Variants in CSMD2 observed in about 807,000 individuals in gnomAD.
CSMD2 encodes CUB and Sushi multiple domains 2.
CSMD2 carries 130 observed loss-of-function variants against 398.5 expected under a neutral mutation model. That is an observed-to-expected ratio of 0.33 (90% CI 0.28 to 0.38). CSMD2 has a LOEUF of 0.38. Ranked by LOEUF, CSMD2 falls within the 10% of genes least tolerant of loss-of-function variation. CSMD2 has a pLI of 1.00. For missense variants in CSMD2, 3,829 were observed against 4,764.9 expected, an observed-to-expected ratio of 0.80 and a Z score of 5.78; for synonymous variants, 1,828 against 1,908.5, an observed-to-expected ratio of 0.96 and a Z score of 1.10.
At chr1:33,898,587 T>A (rs889810920) in intron 5 of CSMD2, among the ~76,000 whole-genome samples, 2 of 152,146 alleles carry the variant, frequency 1.3e-5, no homozygotes, top group Non-Finnish European at 2.9e-5. Flanking sequence ...GAATAATGAA[T>A]CTTTTCCAGC....
At chr1:33,536,920 T>C in intron 62 of CSMD2, 102 bp downstream of exon 62, 1 of 1,136,634 alleles carries the variant, frequency 8.8e-7, no homozygotes, top group Non-Finnish European at 1.3e-6. Flanking sequence ...GCTCTTGTCC[T>C]CCCTGAGTGC....
chr1:33,657,570 C>T (rs1411543955), intron 27 of CSMD2, among the ~76,000 whole-genome samples: 1 of 152,190 alleles, frequency 6.6e-6, no homozygotes, highest in Non-Finnish European at 1.5e-5. Context: ...TGTGGGTGCC[C>T]TTCTATTGCT....
chr1:33,827,705 T>C (rs539252971), intron 6 of CSMD2, among the ~76,000 whole-genome samples: 1 of 152,298 alleles, frequency 6.6e-6, no homozygotes, highest in African/African-American at 2.4e-5. Flanking sequence ...ATTTGGTCCT[T>C]ATACTTTCAA....
intron 2 of CSMD2, among the ~76,000 whole-genome samples, chr1:34,083,755 GA>G (rs570485447): frequency 1.2e-3 from 187 of 152,188 alleles, no homozygotes; most frequent in African/African-American, 4.3e-3. Context: ...TGTCTCTACA[GA>G]AAGAGTGCAA....
At chr1:33,757,420 C>T (rs1420276918) in intron 13 of CSMD2, among the ~76,000 whole-genome samples, 1 of 152,116 alleles carries the variant, frequency 6.6e-6, no homozygotes, top group Admixed American at 6.5e-5. Flanking sequence ...GGCTAAGGTT[C>T]CCCAAACTTG....
chr1:33,626,430 G>T (rs960064710), intron 33 of CSMD2, 56 bp downstream of exon 33: 3 of 1,276,560 alleles, frequency 2.4e-6, no homozygotes, highest in Non-Finnish European at 3.3e-6. Flanking sequence ...CTTCGATCAC[G>T]AGTCCCTTAA....
chr1:33,851,773 T>G (rs1040274264), intron 5 of CSMD2, among the ~76,000 whole-genome samples: 2 of 152,172 alleles, frequency 1.3e-5, no homozygotes, highest in Admixed American at 6.5e-5. Context: ...TAGGACTTGC[T>G]ATGTCAAGAT....
intron 28 of CSMD2, among the ~76,000 whole-genome samples, chr1:33,648,653 T>C (rs72890887): frequency 0.017 from 2,518 of 152,296 alleles, 55 homozygotes; most frequent in African/African-American, 0.056. Flanking sequence ...CTTAGGAGTT[T>C]GTTTTGAGAA....
chr1:33,706,444 C>A (rs1645781763), intron 22 of CSMD2, among the ~76,000 whole-genome samples: 1 of 152,174 alleles, frequency 6.6e-6, no homozygotes, highest in Non-Finnish European at 1.5e-5. Flanking sequence ...TCAGATTGCT[C>A]TGTTTTCATT....
At chr1:33,907,284 A>T (rs74590906) in intron 5 of CSMD2, among the ~76,000 whole-genome samples, 6 of 149,054 alleles carry the variant, frequency 4.0e-5, no homozygotes, top group Non-Finnish European at 8.9e-5. Context: ...ACGCCCAGCT[A>T]ATTTTTTTTT....
intron 4 of CSMD2, among the ~76,000 whole-genome samples, chr1:33,932,917 G>C (rs1229278553): frequency 6.6e-6 from 1 of 152,202 alleles, no homozygotes; most frequent in Admixed American, 6.5e-5. Flanking sequence ...TCAAGGTGCA[G>C]GCAGCACCAA....
At chr1:33,935,676 C>A in intron 4 of CSMD2, 84 bp downstream of exon 4, 1 of 1,407,582 alleles carries the variant, frequency 7.1e-7, no homozygotes, top group South Asian at 1.4e-5. Context: ...TAGCTTTGCC[C>A]TTTGAGACTG....
At chr1:33,588,922 C>A (rs1209819250) in intron 44 of CSMD2, among the ~76,000 whole-genome samples, 1 of 152,182 alleles carries the variant, frequency 6.6e-6, no homozygotes, top group Non-Finnish European at 1.5e-5. Flanking sequence ...GGAATTGGAG[C>A]CCCTTTCCAA....
At chr1:34,159,495 C>T (rs974839169) in intron 1 of CSMD2, among the ~76,000 whole-genome samples, 5 of 152,160 alleles carry the variant, frequency 3.3e-5, no homozygotes, top group African/African-American at 1.2e-4. Flanking sequence ...CTTCCAGGGA[C>T]GTGGTACCAG....
At chr1:33,651,614 G>A (rs542314266) in intron 28 of CSMD2, among the ~76,000 whole-genome samples, 18 of 152,302 alleles carry the variant, frequency 1.2e-4, no homozygotes, top group African/African-American at 3.4e-4. Context: ...AGAGGTCCAC[G>A]TGAAGTCACA....
chr1:34,032,234 T>TTTATTTTCAAAATAA (rs1360456028), intron 3 of CSMD2, among the ~76,000 whole-genome samples: 23 of 152,214 alleles, frequency 1.5e-4, no homozygotes, highest in Non-Finnish European at 2.9e-5. Flanking sequence ...ACTTAGGGTT[T>TTTATTTTCAAAATAA]ATATGTCTTT....
Position 33,762,819 on chromosome 1 carries a change from T to C in CSMD2, c.1846+9750A>G, listed in dbSNP as rs1197689923. On this transcript the variant is annotated intron_variant, in intron 13 of 70. Coordinates refer to ENST00000373381, the MANE Select transcript of CSMD2 (RefSeq NM_001281956.2). ...ATGAGCTCTTGGAGGGCAAGAACCATGTTTGAATCATCTTCATCACTTGCC... is the reference window on the plus strand; with the variant it reads ...ATGAGCTCTTGGAGGGCAAGAACCACGTTTGAATCATCTTCATCACTTGCC... 1.1e-4 allele frequency among the ~76,000 whole-genome samples: 17 copies of C among 152,224 alleles called. 1 individual carries two copies. The highest frequency in any genetic ancestry group is 1.0e-3 in the Admixed American group (16 of 15,290).
At chr1:33,609,748 T>C (rs148857517) in intron 41 of CSMD2, among the ~76,000 whole-genome samples, 3 of 152,332 alleles carry the variant, frequency 2.0e-5, no homozygotes, top group East Asian at 3.9e-4. Flanking sequence ...GCAATATATA[T>C]ACCGAGAAAA....
intron 1 of CSMD2, among the ~76,000 whole-genome samples, chr1:34,119,210 A>T (rs931914320): frequency 2.6e-5 from 4 of 152,206 alleles, no homozygotes; most frequent in African/African-American, 9.6e-5. Flanking sequence ...GGAAAACTGG[A>T]TATCTACATG....
Sources: gnomAD v4.1 joint callset for allele counts (sites outside exome capture counted in the v4.1 genomes callset) on GRCh38, gnomAD v4.1.1 for gene constraint, MANE v1.5 for transcripts, NCBI Gene and HGNC (gene_info 2026-07-23, HGNC 2026-07-21) for gene names.